SPSB1: variants seen among roughly 807,000 people sequenced by gnomAD.
SPSB1 encodes the protein SPRY domain-containing SOCS box protein 1.
SPSB1 carries 8 observed loss-of-function variants against 21.2 expected under a neutral mutation model. The observed-to-expected ratio is 0.38, with a 90% CI of 0.22 to 0.68. The LOEUF (loss-of-function observed/expected upper bound fraction) is 0.68. SPSB1 is among the 30% of genes least tolerant of loss of function. The probability of loss-of-function intolerance (pLI) is 0.53; values close to 1 mark genes in which losing one functional copy is unlikely to be tolerated. For synonymous variants in SPSB1, 169 were observed against 161.7 expected (o/e 1.05, Z -0.34); for missense variants, 242 against 377.8 (o/e 0.64, Z 2.98).
chr1:9,366,548 G>A (rs1227156825), intron 2 of SPSB1, among the ~76,000 whole-genome samples: 2 of 150,684 alleles, frequency 1.3e-5, no homozygotes, highest in Non-Finnish European at 3.0e-5. Context: ...CACACTGGGT[G>A]TCCCCTCTGT....
Position 9,337,264 on chromosome 1 carries a change from C to A in SPSB1, c.-149-18479C>A, listed in dbSNP as rs80014315. Among the ~76,000 whole-genome samples the A allele has an allele frequency of 2.6e-3, 396 of 152,204 alleles. 3 individuals carry two copies. Among genetic ancestry groups the A allele is most frequent in the Middle Eastern group, 6.8e-3 (2 of 294 alleles). Reference sequence around the variant, plus strand: ...GGATTAGCTCCAGCTCAATGGCCTTCCCCCTCCAAGGCAGAGTGGAGGACA... The same window carrying A: ...GGATTAGCTCCAGCTCAATGGCCTTACCCCTCCAAGGCAGAGTGGAGGACA... On this transcript the variant is annotated intron_variant, in intron 1 of 2. Transcript: ENST00000328089.
chr1:9,336,801 C>A (rs887262362), intron 1 of SPSB1, among the ~76,000 whole-genome samples: 2 of 152,198 alleles, frequency 1.3e-5, no homozygotes, highest in Non-Finnish European at 2.9e-5. Context: ...CTGCACTGCT[C>A]CCTGGAAAGA....
At chr1:9,358,137 CCA>C (rs1417815942) in intron 2 of SPSB1, among the ~76,000 whole-genome samples, 1 of 152,206 alleles carries the variant, frequency 6.6e-6, no homozygotes, top group Non-Finnish European at 1.5e-5. Context: ...TCCTCCTCCC[CCA>C]CGTCAGCCTT....
chr1:9,361,156 CTTT>C (rs57871457), intron 2 of SPSB1, among the ~76,000 whole-genome samples: 63,619 of 102,506 alleles, frequency 0.62, 21,307 homozygotes, highest in East Asian at 0.79. Context: ...CTGTCATTTT[CTTT>C]TTTTTTTTTT....
chr1:9,342,052 G>A (rs959479118), intron 1 of SPSB1, among the ~76,000 whole-genome samples: 3 of 152,222 alleles, frequency 2.0e-5, no homozygotes, highest in African/African-American at 4.8e-5. Context: ...CTCAGGGACT[G>A]AGAAACAAAG....
rs1409561534 is a variant in SPSB1, at chr1:9,346,987, C to T, written c.-149-8756C>T. On this transcript the variant is annotated intron_variant, in intron 1 of 2. Transcript: ENST00000328089. The surrounding 1 kb of genome is among the most constrained non-coding windows in gnomAD (Gnocchi z 4.4). ...AATAATGTCCCTCTTCGGGATGGCC[C>T]CAAAGCTTCCCCAGGATTCTCATCC... 6.6e-6 allele frequency among the ~76,000 whole-genome samples: 1 copy of T among 152,158 alleles called. No individual in the cohort carries two copies. Among genetic ancestry groups the T allele is most frequent in the Non-Finnish European group, 1.5e-5 (1 of 68,024 alleles).
chr1:9,340,906 G>A lies in SPSB1; in HGVS notation c.-149-14837G>A, dbSNP rs542144700. On this transcript the variant is annotated intron_variant, in intron 1 of 2. Transcript: ENST00000328089. ...CCTGTGTACCTGGCTGCGGTGCGGG[G>A]AGGCAGAGTGGGAAGGGGAGAAGAC... Among the ~76,000 whole-genome samples, 191 of 152,334 alleles carry A rather than the reference G, an allele frequency of 1.3e-3. 1 individual carries two copies. The highest frequency in any genetic ancestry group is 4.4e-3 in the African/African-American group (181 of 41,564).
rs529870021 is a variant in SPSB1 at position 9,366,854 on chromosome 1, G to A, written c.695-594G>A. On this transcript the variant is annotated intron_variant, in intron 2 of 2. Transcript: ENST00000328089. ...CTCCCAAAATGCTGGGATTACCAGC[G>A]TGAACCACCATGCCCAGCTAGTCTT... Among the ~76,000 whole-genome samples, 18 of 152,322 alleles carry A rather than the reference G, an allele frequency of 1.2e-4. No homozygotes were observed. The East Asian group carries it at 1.7e-3, about 15-fold the overall frequency.
At chr1:9,341,302 G>T (rs9662652) in intron 1 of SPSB1, among the ~76,000 whole-genome samples, 13,555 of 152,202 alleles carry the variant, frequency 0.089, 1,639 homozygotes, top group African/African-American at 0.27. Context: ...GGGCATGAGG[G>T]AGGCAGTGGG....
intron 1 of SPSB1, among the ~76,000 whole-genome samples, chr1:9,340,285 G>C (rs148774372): frequency 0.016 from 2,491 of 152,314 alleles, 27 homozygotes; most frequent in Middle Eastern, 0.034. Context: ...AGGGGCCTGG[G>C]GGGGAAGGCA....
chr1:9,340,347 C>T (rs918382519), intron 1 of SPSB1, among the ~76,000 whole-genome samples: 5 of 152,196 alleles, frequency 3.3e-5, no homozygotes, highest in East Asian at 1.9e-4. Flanking sequence ...GACTTTCACA[C>T]GGATTCCTGC....
chr1:9,342,546 C>T (rs963269655), intron 1 of SPSB1, among the ~76,000 whole-genome samples: 1 of 152,192 alleles, frequency 6.6e-6, no homozygotes, highest in African/African-American at 2.4e-5. Flanking sequence ...AAGTAGGCGC[C>T]TAGGAATCCA....
At chr1:9,301,534 TGGATAGACCTGAGTGCGCACAGGACAC>T (rs565783453) in intron 1 of SPSB1, among the ~76,000 whole-genome samples, 439 of 148,522 alleles carry the variant, frequency 3.0e-3, no homozygotes, top group Middle Eastern at 6.8e-3. Flanking sequence ...AAGATGTATG[TGGATAGACCTGAGTGCGCACAGGACAC>T]GGATAGACCT....
chr1:9,337,902 G>T (rs1330404961), intron 1 of SPSB1, among the ~76,000 whole-genome samples: 1 of 152,200 alleles, frequency 6.6e-6, no homozygotes, highest in Non-Finnish European at 1.5e-5. Flanking sequence ...GGGGCGGGAG[G>T]GGTAACTTAA....
At chr1:9,349,322 C>T (rs770517892) in intron 1 of SPSB1, among the ~76,000 whole-genome samples, 15 of 152,216 alleles carry the variant, frequency 9.9e-5, no homozygotes, top group Non-Finnish European at 2.1e-4. Flanking sequence ...GCCACGTGCT[C>T]GACTTTGATA....
At chr1:9,350,604 G>T (rs1017960167) in intron 1 of SPSB1, among the ~76,000 whole-genome samples, 2 of 152,234 alleles carry the variant, frequency 1.3e-5, no homozygotes, top group African/African-American at 4.8e-5. Flanking sequence ...GTAGGCATGC[G>T]TGCATGCGTG....
At position 9,361,151 on chromosome 1, in the gene SPSB1, A is replaced by ATTTTCCTTTTTTTTTTTTTTTTT. The variant is rs1557467255; in HGVS notation, c.694+4571_694+4572insCTTTTTTTTTTTTTTTTTTTTTC. On this transcript the variant is annotated intron_variant, in intron 2 of 2. Transcript: ENST00000328089. ...CTGGCCAGGCATGGCTGGATCTGTCATTTTCTTTTTTTTTTTTTTTTTTTT... is the reference window on the plus strand; with the variant it reads ...CTGGCCAGGCATGGCTGGATCTGTCATTTTCCTTTTTTTTTTTTTTTTTTTTTCTTTTTTTTTTTTTTTTTTTT... Among the ~76,000 whole-genome samples the ATTTTCCTTTTTTTTTTTTTTTTT allele has an allele frequency of 2.9e-4, 19 of 66,152 alleles. 3 individuals carry two copies. The highest frequency in any genetic ancestry group is 5.5e-4 in the Admixed American group (3 of 5,448). The allele number at this position is 66,152 out of a possible 152,430, so 43.4% of individuals were successfully genotyped here. A position where few individuals can be genotyped will look rare whatever the true frequency, so the allele number is the denominator to read the frequency against.
At chr1:9,322,049 T>C (rs1639729986) in intron 1 of SPSB1, among the ~76,000 whole-genome samples, 1 of 152,096 alleles carries the variant, frequency 6.6e-6, no homozygotes, top group Non-Finnish European at 1.5e-5. Flanking sequence ...GGGCAGGTGA[T>C]GTAAATATGT....
At position 9,336,374 on chromosome 1, in the gene SPSB1, G is replaced by A. The variant is rs77035363; in HGVS notation, c.-149-19369G>A. ...CCTGAGTAGCTGGGATTACAGGCAC[G>A]CACCACTATGCCCGGCTAATTTTGT... On this transcript the variant is annotated intron_variant, in intron 1 of 2. Coordinates refer to ENST00000328089, the MANE Select transcript of SPSB1 (RefSeq NM_025106.4). 7.9e-5 allele frequency among the ~76,000 whole-genome samples: 12 copies of A among 152,116 alleles called. No homozygotes were observed. The East Asian group carries it at 1.5e-3, about 20-fold the overall frequency.
Sources: gnomAD v4.1 joint callset for allele counts (sites outside exome capture counted in the v4.1 genomes callset) on GRCh38, gnomAD v4.1.1 for gene constraint, Gnocchi (gnomAD v3.1) non-coding constraint, MANE v1.5 for transcripts, NCBI Gene and HGNC (gene_info 2026-07-23, HGNC 2026-07-21) for gene names.